TTLL9: variants seen among roughly 807,000 people sequenced by gnomAD.
The protein encoded by TTLL9 is probable tubulin polyglutamylase TTLL9.
TTLL9 carries 47 observed loss-of-function variants against 65.6 expected under a neutral mutation model. The observed-to-expected ratio is 0.72, with a 90% CI of 0.57 to 0.91. The LOEUF (loss-of-function observed/expected upper bound fraction) is 0.91, where lower values mean the gene tolerates loss of function less well. Among genes scored for constraint, TTLL9 ranks in the 40% least tolerant of loss-of-function variants. The pLI is 0.00. For synonymous variants in TTLL9, 179 were observed against 204.8 expected (o/e 0.87, Z 1.07); for missense variants, 537 against 568.8 (o/e 0.94, Z 0.57).
intron 3 of TTLL9, among the ~76,000 whole-genome samples, chr20:31,893,950 T>C (rs763199343): frequency 1.6e-4 from 24 of 152,124 alleles, no homozygotes; most frequent in Non-Finnish European, 2.8e-4. Context: ...GTATAAATTT[T>C]TTCTCTAATT....
chr20:31,873,730 G>GAAAGAAAGAA (rs1555799829), intron 2 of TTLL9, among the ~76,000 whole-genome samples: 6 of 103,920 alleles, frequency 5.8e-5, no homozygotes, highest in African/African-American at 2.2e-4. Flanking sequence ...AAGAAAGAAA[G>GAAAGAAAGAA]AAAGAAAAAG....
At chr20:31,877,136 A>T (rs1171592081) in intron 2 of TTLL9, among the ~76,000 whole-genome samples, 1 of 152,074 alleles carries the variant, frequency 6.6e-6, no homozygotes, top group Non-Finnish European at 1.5e-5. Flanking sequence ...ATATGTTGTA[A>T]GTGTTTCCTC....
rs1568723663 is a variant in TTLL9, at chr20:31,873,849, AAAG to A, written c.69+2657_69+2659del. Among the ~76,000 whole-genome samples the A allele has an allele frequency of 3.0e-3, 452 of 150,192 alleles. 5 individuals are homozygous for A. Among genetic ancestry groups the A allele is most frequent in the African/African-American group, 0.01 (424 of 40,728 alleles). ...GAAAGAAAGAAAGAAAGAAAGAAAGAAAGAAAGAAAGAAAGAAAGAAAGAAAGA... is the reference window on the plus strand; with the variant it reads ...GAAAGAAAGAAAGAAAGAAAGAAAGAAAAGAAAGAAAGAAAGAAAGAAAGA... On this transcript the variant is annotated intron_variant, in intron 2 of 14. Transcript: ENST00000535842.
At chr20:31,925,237 A>G (rs570121555) in intron 9 of TTLL9, among the ~76,000 whole-genome samples, 188 bp downstream of exon 9, 2 of 152,258 alleles carry the variant, frequency 1.3e-5, no homozygotes, top group Non-Finnish European at 2.9e-5. Context: ...TTACCATCTT[A>G]GATGCCCCAA....
At chr20:31,904,350 C>CTTTTTTTTTTTTTTT (rs71185374) in intron 4 of TTLL9, among the ~76,000 whole-genome samples, 2 of 81,766 alleles carry the variant, frequency 2.4e-5, no homozygotes, top group Non-Finnish European at 4.5e-5. Context: ...TTTGATAATT[C>CTTTTTTTTTTTTTTT]TTTTTTTTTT....
rs533897479 is a variant in TTLL9 at position 31,912,890 on chromosome 20, G to C, written c.504+2968G>C. 2.3e-4 allele frequency among the ~76,000 whole-genome samples: 35 copies of C among 152,266 alleles called. No homozygotes were observed. The South Asian group carries it at 6.9e-3, about 30-fold the overall frequency. On this transcript the variant is annotated intron_variant, in intron 6 of 14. Transcript: ENST00000535842. ...TTAATGATTGCAGGCCAGGTGAGTG[G>C]CTCATGCCTGTAATCTCAGCACTTC...
intron 2 of TTLL9, among the ~76,000 whole-genome samples, chr20:31,873,861 A>AAAGAAAGAAAG (rs1321793556): frequency 6.7e-6 from 1 of 149,958 alleles, no homozygotes; most frequent in African/African-American, 2.5e-5. Context: ...AGAAAGAAAG[A>AAAGAAAGAAAG]AAGAAAGAAA....
At chr20:31,900,474 A>T (rs150191900) in intron 4 of TTLL9, among the ~76,000 whole-genome samples, 42 of 152,348 alleles carry the variant, frequency 2.8e-4, no homozygotes, top group African/African-American at 1.0e-3. Context: ...AGCAGATGTT[A>T]TGAATCTGTG....
intron 2 of TTLL9, among the ~76,000 whole-genome samples, chr20:31,874,893 G>A (rs926276495): frequency 6.6e-6 from 1 of 152,280 alleles, no homozygotes; most frequent in South Asian, 2.1e-4. Flanking sequence ...CACAGCCAAG[G>A]GATGCAAGTG....
At chr20:31,926,001 C>A (rs2123583850) in intron 9 of TTLL9, 48 bp from the exon 10 acceptor site, 1 of 1,611,520 alleles carries the variant, frequency 6.2e-7, no homozygotes, top group Non-Finnish European at 8.5e-7. Flanking sequence ...ACACACCTAC[C>A]CCTTCCCACA....
At chr20:31,876,950 T>C (rs771300535) in intron 2 of TTLL9, among the ~76,000 whole-genome samples, 10 of 152,254 alleles carry the variant, frequency 6.6e-5, no homozygotes, top group Non-Finnish European at 1.3e-4. Context: ...TTTCAAATCA[T>C]ACGATTATTT....
At chr20:31,930,736 A>G (rs1269265291) in intron 10 of TTLL9, among the ~76,000 whole-genome samples, 1 of 152,074 alleles carries the variant, frequency 6.6e-6, no homozygotes, top group African/African-American at 2.4e-5. Context: ...CTAAACTAAG[A>G]AAAGTCTTTT....
intron 2 of TTLL9, among the ~76,000 whole-genome samples, chr20:31,880,197 T>C (rs1476196735): frequency 1.3e-5 from 2 of 152,184 alleles, no homozygotes; most frequent in African/African-American, 4.8e-5. Flanking sequence ...CTAAGCTCCG[T>C]GACCCCAGGG....
chr20:31,909,293 A>G (rs1275514405), intron 5 of TTLL9, among the ~76,000 whole-genome samples: 2 of 151,812 alleles, frequency 1.3e-5, no homozygotes, highest in Non-Finnish European at 2.9e-5. Flanking sequence ...ACAGGTGCTC[A>G]CCACCATGCC....
At chr20:31,894,154 A>G (rs1335947926) in intron 3 of TTLL9, among the ~76,000 whole-genome samples, 2 of 123,980 alleles carry the variant, frequency 1.6e-5, no homozygotes, top group Non-Finnish European at 3.1e-5. Flanking sequence ...CACAGGCTGG[A>G]GTGCAGTGGT....
intron 6 of TTLL9, among the ~76,000 whole-genome samples, chr20:31,911,869 TG>T (rs2063657379): frequency 2.2e-5 from 3 of 134,398 alleles, no homozygotes; most frequent in Admixed American, 1.5e-4. Context: ...TGTGTGTGTG[TG>T]TGTGTCCTCT....
chr20:31,927,114 CAA>C (rs529572999), intron 10 of TTLL9, among the ~76,000 whole-genome samples: 8,499 of 131,746 alleles, frequency 0.065, 348 homozygotes, highest in African/African-American at 0.13. Flanking sequence ...GACTGTATGT[CAA>C]AAAAAAAAAA....
At chr20:31,879,338 AACT>A (rs1222417399) in intron 2 of TTLL9, among the ~76,000 whole-genome samples, 2 of 152,208 alleles carry the variant, frequency 1.3e-5, no homozygotes, top group Non-Finnish European at 1.5e-5. Context: ...CAAACAAAAA[AACT>A]ACAATGAGCT....
intron 6 of TTLL9, among the ~76,000 whole-genome samples, chr20:31,917,942 A>C (rs976794543): frequency 6.8e-6 from 1 of 147,364 alleles, no homozygotes; most frequent in African/African-American, 2.5e-5. Flanking sequence ...GTGTCTCTTT[A>C]TTGTGCTTAT....
Sources: gnomAD v4.1 joint callset for allele counts (sites outside exome capture counted in the v4.1 genomes callset) on GRCh38, gnomAD v4.1.1 for gene constraint, MANE v1.5 for transcripts, NCBI Gene and HGNC (gene_info 2026-07-23, HGNC 2026-07-21) for gene names.